The following TANK variants were observed in gnomAD, a reference collection of about 807,000 sequenced individuals.
The protein encoded by TANK is TRAF family member-associated NF-kappa-B activator.
In TANK, 15 loss-of-function variants were observed where a neutral mutation model predicts 43.6. The observed-to-expected ratio is 0.34, with a 90% CI of 0.23 to 0.53. The LOEUF (loss-of-function observed/expected upper bound fraction) is 0.53, where lower values mean the gene tolerates loss of function less well. Among genes scored for constraint, TANK ranks in the 20% least tolerant of loss-of-function variants. The pLI is 0.94. For missense variants in TANK, 417 were observed against 498.6 expected (o/e 0.84, Z 1.56); for synonymous variants, 162 against 178.2 (o/e 0.91, Z 0.73).
At chr2:161,207,380 C>T (rs1686699255) in intron 4 of TANK, 1 of 970,678 alleles carries the variant, frequency 1.0e-6, no homozygotes, top group Non-Finnish European at 1.2e-6. Context: ...GTTTTAGCCA[C>T]ATTTTTATAC....
chr2:161,161,342 C>G (rs1265183266), intron 1 of TANK: 3 of 1,550,564 alleles, frequency 1.9e-6, no homozygotes, highest in Admixed American at 3.9e-5. Flanking sequence ...AGTGAAGAAG[C>G]GACGTGAAAT....
At chr2:161,230,049 T>C (rs1203134812) in intron 6 of TANK, among the ~76,000 whole-genome samples, 3 of 152,244 alleles carry the variant, frequency 2.0e-5, no homozygotes, top group Non-Finnish European at 2.9e-5. Flanking sequence ...CTTTTAGCTC[T>C]TGTTGATATC....
intron 7 of TANK, among the ~76,000 whole-genome samples, chr2:161,234,243 G>A (rs1264770483): frequency 6.6e-6 from 1 of 152,140 alleles, no homozygotes; most frequent in East Asian, 1.9e-4. Flanking sequence ...AAAGAAGTTA[G>A]GGGAAATAAC....
chr2:161,148,397 CA>C (rs1317774807), intron 1 of TANK, among the ~76,000 whole-genome samples: 1 of 152,096 alleles, frequency 6.6e-6, no homozygotes, highest in Admixed American at 6.5e-5. Flanking sequence ...GTTGTTGAGT[CA>C]TGAGTTTTTT....
intron 1 of TANK, among the ~76,000 whole-genome samples, chr2:161,168,629 T>A (rs1255916618): frequency 6.6e-6 from 1 of 152,164 alleles, no homozygotes. Context: ...GGCTGGGAGT[T>A]CAAGACCATC....
chr2:161,231,168 G>A lies in TANK; in HGVS notation c.718G>A (p.Asp240Asn), dbSNP rs147724673. Residue 240 changes from aspartate to asparagine, a missense_variant, in exon 7 of 8, where the codon GAC becomes AAC. Asp to Asn is a conservative substitution (Grantham distance 23). Transcript: ENST00000392749. ...ATTCAATGTCAAGTTTCCACCTATG[G>A]ACAATGACTCAACTTTCTTACATAG... ...SKFNVKFPPM[D>N]NDSTFLHSTP... is the part of the protein sequence containing the mutation. 1.2e-6 allele frequency: 2 copies of A among 1,613,734 alleles called. No homozygotes were observed. Among genetic ancestry groups the A allele is most frequent in the African/African-American group, 2.7e-5 (2 of 74,854 alleles).
intron 4 of TANK, chr2:161,216,590 C>CAAA (rs79872049): frequency 7.4e-5 from 9 of 121,810 alleles, no homozygotes; most frequent in East Asian, 2.3e-4. Context: ...CTTTCTTGGC[C>CAAA]AAAAAAAAAA....
chr2:161,155,616 A>G (rs1684202973), upstream of TANK, among the ~76,000 whole-genome samples: 2 of 152,206 alleles, frequency 1.3e-5, no homozygotes, highest in African/African-American at 4.8e-5. Context: ...ATGTTATTCT[A>G]TTCAGCTTTT....
chr2:161,145,565 A>G (rs1442406850), intron 1 of TANK, among the ~76,000 whole-genome samples: 2 of 151,830 alleles, frequency 1.3e-5, no homozygotes, highest in African/African-American at 4.9e-5. Flanking sequence ...GGTTGTCTGG[A>G]AAGGATTTTA....
At chr2:161,177,646 A>G (rs1685226920) in intron 1 of TANK, among the ~76,000 whole-genome samples, 1 of 152,156 alleles carries the variant, frequency 6.6e-6, no homozygotes, top group African/African-American at 2.4e-5. Context: ...TGACAGCAAT[A>G]GTACAAACAA....
rs374590672 is a variant in TANK, at chr2:161,228,529, C to G, written c.521-2442C>G. Among the ~76,000 whole-genome samples, 15 of 151,654 alleles carry G rather than the reference C, an allele frequency of 9.9e-5. No individual in the cohort carries two copies. In the East Asian group the frequency reaches 2.5e-3, roughly 25 times the overall value. On this transcript the variant is annotated intron_variant, in intron 6 of 7. Transcript: ENST00000392749. ...CAGCCTGGGCAACAAGAGCGAAGCT[C>G]GGTCTCAAAAAAAAAAAAGTTAATA...
intron 1 of TANK, 153 bp downstream of exon 1, chr2:161,160,639 G>A: frequency 1.6e-6 from 1 of 630,610 alleles, no homozygotes; most frequent in Non-Finnish European, 2.5e-6. Flanking sequence ...TGCAGTTTGG[G>A]GAGGGATTTT....
intron 2 of TANK, among the ~76,000 whole-genome samples, chr2:161,181,641 T>C (rs183128317): frequency 6.6e-6 from 1 of 152,132 alleles, no homozygotes; most frequent in African/African-American, 2.4e-5. Context: ...CCACACACTT[T>C]TAGCATCAAA....
chr2:161,235,056 C>T (rs1574083032), intron 7 of TANK, among the ~76,000 whole-genome samples: 1 of 151,970 alleles, frequency 6.6e-6, no homozygotes, highest in Admixed American at 6.6e-5. Context: ...CTGTTGTGAT[C>T]GAGTATTAAA....
chr2:161,178,205 A>G (rs1014761413), intron 1 of TANK, among the ~76,000 whole-genome samples: 8 of 152,242 alleles, frequency 5.3e-5, no homozygotes, highest in African/African-American at 1.7e-4. Context: ...AAAAATGTAT[A>G]CACAAATGTG....
At chr2:161,146,413 G>A (rs1683911445) in intron 1 of TANK, among the ~76,000 whole-genome samples, 1 of 152,108 alleles carries the variant, frequency 6.6e-6, no homozygotes, top group Non-Finnish European at 1.5e-5. Context: ...GACCTTTTGG[G>A]TTTTCAGAGT....
chr2:161,199,049 T>C (rs1383447107), intron 2 of TANK, among the ~76,000 whole-genome samples: 1 of 152,184 alleles, frequency 6.6e-6, no homozygotes, highest in African/African-American at 2.4e-5. Context: ...TCAAGATGTA[T>C]TTTAATTAGA....
At chr2:161,161,060 A>G (rs1573961042) in intron 1 of TANK, 1 of 674,760 alleles carries the variant, frequency 1.5e-6, no homozygotes, top group Non-Finnish European at 2.4e-6. Flanking sequence ...CCAAGGCAGG[A>G]AGAACAGAAG....
At chr2:161,152,919 G>A (rs937170634) in intron 1 of TANK, among the ~76,000 whole-genome samples, 1 of 152,022 alleles carries the variant, frequency 6.6e-6, no homozygotes, top group African/African-American at 2.4e-5. Flanking sequence ...AGAGTTCATT[G>A]AGCAACTTGA....
Sources: gnomAD v4.1 joint callset for allele counts (sites outside exome capture counted in the v4.1 genomes callset) on GRCh38, gnomAD v4.1.1 for gene constraint, MANE v1.5 for transcripts, NCBI Gene and HGNC (gene_info 2026-07-23, HGNC 2026-07-21) for gene names.